CACNA1D: variants seen among roughly 807,000 people sequenced by gnomAD.
CACNA1D encodes calcium voltage-gated channel subunit alpha1 D.
In CACNA1D, 55 loss-of-function variants were observed where a neutral mutation model predicts 257.1. The ratio of observed to expected loss-of-function variants is 0.21; its 90% CI spans 0.17 to 0.27. The LOEUF (loss-of-function observed/expected upper bound fraction) is 0.27, where lower values mean the gene tolerates loss of function less well. CACNA1D is among the 10% of genes least tolerant of loss of function. The pLI is 1.00. For synonymous variants in CACNA1D, 980 were observed against 1,014.9 expected, an observed-to-expected ratio of 0.97 and a Z score of 0.65; for missense variants, 1,876 against 2,784.0, an observed-to-expected ratio of 0.67 and a Z score of 7.34.
intron 9 of CACNA1D, among the ~76,000 whole-genome samples, chr3:53,714,804 T>A (rs1207572989): frequency 1.1e-4 from 17 of 152,354 alleles, no homozygotes; most frequent in Non-Finnish European, 4.4e-5. Context: ...ATCAAGAGTT[T>A]GCTCACGTAT....
Position 53,751,598 on chromosome 3 carries a change from C to T in CACNA1D, c.3517-151C>T, listed in dbSNP as rs1429381515. 1.3e-6 allele frequency: 1 copy of T among 778,046 alleles called. No individual in the cohort carries two copies. The highest frequency in any genetic ancestry group is 2.0e-5 in the Admixed American group (1 of 50,084). 48.2% of individuals were successfully genotyped at this position (778,046 alleles called of 1,614,324 possible). A position where few individuals can be genotyped will look rare whatever the true frequency, so the allele number is the denominator to read the frequency against. On this transcript the variant is annotated intron_variant, in intron 27 of 47. Coordinates refer to ENST00000350061, the MANE Select transcript of CACNA1D (RefSeq NM_001128840.3). The surrounding 1 kb of genome is among the most constrained non-coding windows in gnomAD (Gnocchi z 4.3). ...GGTGACTCAAGAGTGGTGCCAGCAG[C>T]AGGAAGGGGGTCACTCGTAATCATT... is the stretch of plus-strand genomic sequence containing the variant.
intron 3 of CACNA1D, among the ~76,000 whole-genome samples, chr3:53,619,484 A>G (rs959714389): frequency 1.3e-5 from 2 of 152,226 alleles, no homozygotes; most frequent in African/African-American, 2.4e-5. Flanking sequence ...GCAGCAACCA[A>G]GCACCTTCAT....
At chr3:53,710,787 A>AT (rs1406876709) in intron 9 of CACNA1D, among the ~76,000 whole-genome samples, 9 of 152,114 alleles carry the variant, frequency 5.9e-5, no homozygotes, top group African/African-American at 9.7e-5. Flanking sequence ...TCCCCAAATG[A>AT]TTTTTTTAAA....
At position 53,811,984 on chromosome 3, in the gene CACNA1D, A is replaced by C. The variant is rs1576761864; in HGVS notation, c.*578A>C. 1 of 152,732 alleles carries C rather than the reference A, an allele frequency of 6.5e-6. No homozygotes were observed. The highest frequency in any genetic ancestry group is 1.9e-4 in the East Asian group (1 of 5,186). 9.5% of individuals were successfully genotyped at this position (152,732 alleles called of 1,614,324 possible). A position where few individuals can be genotyped will look rare whatever the true frequency, so the allele number is the denominator to read the frequency against. The stretch of plus-strand genomic sequence containing the variant: ...AGCTACCAGTGATTATTGCGAGGGC[A>C]ATGGGACCTCATAAATAAGGTTTTC... On this transcript the variant is annotated 3_prime_UTR_variant, in exon 48 of 48. Transcript: ENST00000350061. This position sits in a 1 kb window ranked among gnomAD's most constrained non-coding sequence, Gnocchi z 4.2.
chr3:53,555,008 A>G (rs2092611245), intron 3 of CACNA1D, among the ~76,000 whole-genome samples: 1 of 152,232 alleles, frequency 6.6e-6, no homozygotes, highest in Non-Finnish European at 1.5e-5. Flanking sequence ...TCATTTTCAA[A>G]TATGTAGGAT....
intron 3 of CACNA1D, among the ~76,000 whole-genome samples, chr3:53,579,442 A>T (rs1451266635): frequency 1.3e-5 from 2 of 152,208 alleles, no homozygotes; most frequent in Non-Finnish European, 2.9e-5. Flanking sequence ...CCAGTTAAAG[A>T]TGCCTCATAT....
intron 3 of CACNA1D, among the ~76,000 whole-genome samples, chr3:53,523,264 G>T (rs914042692): frequency 1.3e-5 from 2 of 152,124 alleles, no homozygotes; most frequent in African/African-American, 4.8e-5. Flanking sequence ...CTGTGTAGAG[G>T]TTTCCTTTAT....
chr3:53,588,913 C>T lies in CACNA1D; in HGVS notation c.484-61866C>T, dbSNP rs913805496. Reference sequence around the variant, plus strand: ...AGAATGAGAGAAAGGGTCTTGATTACCATTTTGTCCTGTTCACCTTTTTTG... The same window carrying T: ...AGAATGAGAGAAAGGGTCTTGATTATCATTTTGTCCTGTTCACCTTTTTTG... On this transcript the variant is annotated intron_variant, in intron 3 of 47. Transcript: ENST00000350061. 7.9e-5 allele frequency among the ~76,000 whole-genome samples: 12 copies of T among 152,110 alleles called. 1 individual carries two copies. Among genetic ancestry groups the T allele is most frequent in the African/African-American group, 2.9e-4 (12 of 41,424 alleles).
chr3:53,707,663 C>A (rs898638353), intron 9 of CACNA1D, among the ~76,000 whole-genome samples: 13 of 151,986 alleles, frequency 8.6e-5, no homozygotes, highest in Admixed American at 6.5e-4. Flanking sequence ...AGAAACCCTG[C>A]CAAATCTCAA....
chr3:53,614,314 G>T (rs1239186037), intron 3 of CACNA1D, among the ~76,000 whole-genome samples: 2 of 152,150 alleles, frequency 1.3e-5, no homozygotes, highest in Non-Finnish European at 2.9e-5. Flanking sequence ...TCCTGTGCTG[G>T]TAGAACTTGC....
At chr3:53,640,755 T>G (rs773168750) in intron 3 of CACNA1D, among the ~76,000 whole-genome samples, 2 of 152,238 alleles carry the variant, frequency 1.3e-5, no homozygotes, top group Non-Finnish European at 2.9e-5. Flanking sequence ...AGTTTCAACT[T>G]GGATGCCAAC....
intron 8 of CACNA1D, among the ~76,000 whole-genome samples, chr3:53,677,938 C>T (rs2094392401): frequency 1.3e-5 from 2 of 152,124 alleles, no homozygotes; most frequent in Non-Finnish European, 2.9e-5. Flanking sequence ...TCGTGAAGTT[C>T]AGTGAGGACT....
chr3:53,809,689 C>G, intron 46 of CACNA1D: 1 of 480,862 alleles, frequency 2.1e-6, no homozygotes, highest in Non-Finnish European at 3.8e-6. Context: ...GTTGGGCTTC[C>G]CTGATTCTTC....
intron 3 of CACNA1D, among the ~76,000 whole-genome samples, chr3:53,627,758 A>G (rs1313008481): frequency 6.6e-6 from 1 of 152,078 alleles, no homozygotes; most frequent in African/African-American, 2.4e-5. Flanking sequence ...CATGTCTGTA[A>G]TCCCAGCACT....
intron 7 of CACNA1D, among the ~76,000 whole-genome samples, chr3:53,670,290 G>A (rs2094310102): frequency 6.6e-6 from 1 of 152,182 alleles, no homozygotes; most frequent in African/African-American, 2.4e-5. Flanking sequence ...TAGAAAAACA[G>A]CCTTGCATTG....
At chr3:53,786,797 A>G (rs771099745) in intron 39 of CACNA1D, 25 bp from the exon 40 acceptor site, 1 of 1,422,744 alleles carries the variant, frequency 7.0e-7, no homozygotes, top group South Asian at 1.1e-5. Context: ...GATTCGGGAG[A>G]GCTCTGTCTG....
At chr3:53,557,743 A>G (rs1428503265) in intron 3 of CACNA1D, among the ~76,000 whole-genome samples, 1 of 152,198 alleles carries the variant, frequency 6.6e-6, no homozygotes, top group South Asian at 2.1e-4. Context: ...CACCAGCACT[A>G]TACTGTTTTG....
chr3:53,574,810 A>G (rs140163633), intron 3 of CACNA1D, among the ~76,000 whole-genome samples: 1 of 152,318 alleles, frequency 6.6e-6, no homozygotes, highest in East Asian at 1.9e-4. Context: ...CAGGAATTAC[A>G]TGGGAGCAGC....
Position 53,497,219 on chromosome 3 carries a change from C to T in CACNA1D, c.135C>T (p.Ser45=). 4 of 1,614,162 alleles carry T rather than the reference C, an allele frequency of 2.5e-6. No individual in the cohort carries two copies. The highest frequency in any genetic ancestry group is 3.4e-6 in the Non-Finnish European group (4 of 1,180,032). Residue 45 remains serine, a synonymous_variant, in exon 2 of 48, where the codon AGC becomes AGT. Transcript: ENST00000350061. ...AAGGACCAACTTCTCAGCCGAATAG[C>T]TCCAAGCAAACTGTCCTGTCTTGGC... The part of the protein sequence containing the change: ...SGEGPTSQPN[S]SKQTVLSWQA...
Sources: allele counts gnomAD v4.1 joint callset (sites outside exome capture counted in the v4.1 genomes callset), GRCh38; gene constraint gnomAD v4.1.1; non-coding constraint Gnocchi (gnomAD v3.1); transcripts MANE v1.5; gene names NCBI Gene and HGNC (gene_info 2026-07-23, HGNC 2026-07-21).